CD109: variants seen among roughly 807,000 people sequenced by gnomAD.
CD109 encodes CD109 antigen.
A neutral mutation model predicts 165.8 loss-of-function variants in CD109; 149 were observed. The ratio of observed to expected loss-of-function variants is 0.90; its 90% CI spans 0.79 to 1.03. CD109 has a LOEUF of 1.03. Among genes scored for constraint, CD109 ranks in the 50% least tolerant of loss-of-function variants. The probability of loss-of-function intolerance (pLI) is 0.00; values close to 1 mark genes in which losing one functional copy is unlikely to be tolerated. For missense variants in CD109, 1,712 were observed against 1,677.8 expected (o/e 1.02, Z -0.36); for synonymous variants, 585 against 592.1 (o/e 0.99, Z 0.18).
chr6:73,753,543 A>G (rs1001637359), intron 5 of CD109, among the ~76,000 whole-genome samples: 1 of 152,226 alleles, frequency 6.6e-6, no homozygotes, highest in Non-Finnish European at 1.5e-5. Flanking sequence ...ATTTTACCAC[A>G]TATGAGCACC....
intron 2 of CD109, among the ~76,000 whole-genome samples, chr6:73,710,050 C>T (rs1232896658): frequency 6.6e-6 from 1 of 152,222 alleles, no homozygotes; most frequent in Non-Finnish European, 1.5e-5. Context: ...GATGTCCTCT[C>T]TCACCACTCC....
At chr6:73,797,884 A>G (rs764801714) in intron 23 of CD109, among the ~76,000 whole-genome samples, 2 of 152,154 alleles carry the variant, frequency 1.3e-5, no homozygotes, top group African/African-American at 4.8e-5. Flanking sequence ...CAATTTTCAG[A>G]AGTCTATGAA....
rs749451216 is a variant in CD109, at chr6:73,696,303, C to T, written c.74+14C>T. ...CGTGGCTCCCGGGTAGGAACGTGGG[C>T]GCGCGGGGGGCGCGCGGGCGCGCGG... On this transcript the variant is annotated intron_variant, in intron 1 of 32. Coordinates refer to ENST00000287097, the MANE Select transcript of CD109 (RefSeq NM_133493.5). The T allele has an allele frequency of 7.0e-7, 1 of 1,427,062 alleles. No individual in the cohort carries two copies. The highest frequency in any genetic ancestry group is 2.8e-5 in the East Asian group (1 of 36,328). The allele number at this position is 1,427,062 out of a possible 1,614,324, so 88.4% of individuals were successfully genotyped here. A position where few individuals can be genotyped will look rare whatever the true frequency, so the allele number is the denominator to read the frequency against.
At chr6:73,687,408 C>T in the CD109 span, among the ~76,000 whole-genome samples, 1 of 151,656 alleles carries the variant, frequency 6.6e-6, no homozygotes, top group Non-Finnish European at 1.5e-5. Flanking sequence ...TTCCTTCCTT[C>T]TTTCACATGC....
intron 22 of CD109, 48 bp downstream of exon 22, chr6:73,788,660 A>G (rs1774793372): frequency 6.7e-7 from 1 of 1,500,158 alleles, no homozygotes; most frequent in African/African-American, 1.4e-5. Context: ...GTATATGATC[A>G]TATATGTTGT....
Position 73,823,894 on chromosome 6 carries a change from G to A in CD109, c.*261G>A. On this transcript the variant is annotated 3_prime_UTR_variant, in exon 33 of 33. Transcript: ENST00000287097. ...AAAATCTTTTAGAATTTTTTTGGAG[G>A]TGTTTGTTTTCTCCAGAATAAAGGT... The A allele has an allele frequency of 6.6e-6, 2 of 304,190 alleles. No homozygotes were observed. The highest frequency in any genetic ancestry group is 1.2e-5 in the Non-Finnish European group (2 of 165,144). The allele number at this position is 304,190 out of a possible 1,614,324, so 18.8% of individuals were successfully genotyped here.
intron 2 of CD109, 75 bp from the exon 3 acceptor site, chr6:73,723,176 A>G: frequency 6.2e-7 from 1 of 1,603,042 alleles, no homozygotes; most frequent in East Asian, 2.2e-5. Context: ...GTATTGGGAG[A>G]GTTTTGGAAG....
At position 73,787,264 on chromosome 6, in the gene CD109, T is replaced by G; in HGVS notation, c.2368T>G (p.Phe790Val). Residue 790 changes from phenylalanine (F) to valine (V), a missense_variant, in exon 21 of 33, where the codon TTT becomes GTT. Coordinates refer to ENST00000287097, the MANE Select transcript of CD109 (RefSeq NM_133493.5). Reference protein sequence around the residue: ...VKVIIEKSDKFDILMTSNEIN... With the variant: ...VKVIIEKSDKVDILMTSNEIN... ...GGTAATCATTGAGAAAAGTGACAAA[T>G]TTGATATTCTAATGACTTCAAATGA... The G allele has an allele frequency of 6.2e-7, 1 of 1,613,390 alleles. No homozygotes were observed. The highest frequency in any genetic ancestry group is 8.5e-7 in the Non-Finnish European group (1 of 1,179,586).
At chr6:73,709,136 C>A (rs1302147893) in intron 2 of CD109, among the ~76,000 whole-genome samples, 21 of 152,088 alleles carry the variant, frequency 1.4e-4, no homozygotes, top group Admixed American at 7.9e-4. Context: ...GGTTTTAGGT[C>A]TAACATTTAA....
intron 15 of CD109, among the ~76,000 whole-genome samples, chr6:73,772,908 C>CTT (rs551899269): frequency 7.1e-6 from 1 of 141,512 alleles, no homozygotes. Flanking sequence ...TTTTTGAAAA[C>CTT]TTTTTTTTTT....
chr6:73,704,629 T>C (rs35579376), intron 2 of CD109, among the ~76,000 whole-genome samples: 24,920 of 152,198 alleles, frequency 0.16, 2,276 homozygotes, highest in East Asian at 0.34. Flanking sequence ...GAATTTGGGC[T>C]GGGTTACTGT....
chr6:73,725,285 C>G (rs929434257), intron 3 of CD109, among the ~76,000 whole-genome samples: 5 of 152,050 alleles, frequency 3.3e-5, no homozygotes, highest in Admixed American at 2.0e-4. Context: ...GTATATTTGC[C>G]CTATAGCAGA....
At chr6:73,715,704 G>A (rs184761047) in intron 2 of CD109, among the ~76,000 whole-genome samples, 1 of 152,146 alleles carries the variant, frequency 6.6e-6, no homozygotes, top group African/African-American at 2.4e-5. Flanking sequence ...GGCATGCAAT[G>A]TCAACAACCA....
At chr6:73,681,324 T>TGTGTGTGTGTGTG in the CD109 span, among the ~76,000 whole-genome samples, 1 of 145,568 alleles carries the variant, frequency 6.9e-6, no homozygotes, top group South Asian at 2.3e-4. Context: ...CAGTTACCAT[T>TGTGTGTGTGTGTG]TGTGTGTGTG....
intron 6 of CD109, among the ~76,000 whole-genome samples, chr6:73,757,686 A>G (rs1773448063): frequency 6.6e-6 from 1 of 152,256 alleles, no homozygotes; most frequent in African/African-American, 2.4e-5. Context: ...AAAATGAAAG[A>G]AAGAAAAATA....
At chr6:73,740,845 C>G (rs1772751463) in intron 5 of CD109, among the ~76,000 whole-genome samples, 1 of 152,078 alleles carries the variant, frequency 6.6e-6, no homozygotes, top group African/African-American at 2.4e-5. Flanking sequence ...CCCTACTCGG[C>G]CTCCCAAAGT....
rs372718283 is a variant in CD109, at chr6:73,697,384, G to T, written c.75-16G>T. The T allele has an allele frequency of 3.5e-5, 56 of 1,609,066 alleles. No homozygotes were observed. In the African/African-American group the frequency reaches 6.6e-4, roughly 19 times the overall value. On this transcript the variant is annotated splice_polypyrimidine_tract_variant and intron_variant, in intron 1 of 32. Coordinates refer to ENST00000287097, the MANE Select transcript of CD109 (RefSeq NM_133493.5). ...GGATAAGAAACTTTGTTTTTCCCTTGTTGGGAACTCTTTAGGCCTCGGTTT... is the reference window on the plus strand; with the variant it reads ...GGATAAGAAACTTTGTTTTTCCCTTTTTGGGAACTCTTTAGGCCTCGGTTT...
At chr6:73,806,798 A>G (rs775514414) in intron 24 of CD109, 46 bp from the exon 25 acceptor site, 3 of 1,398,816 alleles carry the variant, frequency 2.1e-6, no homozygotes, top group Non-Finnish European at 2.0e-6. Flanking sequence ...TATTTGGTGG[A>G]CCTTATAAAG....
intron 5 of CD109, among the ~76,000 whole-genome samples, chr6:73,745,100 T>G (rs1772931458): frequency 6.6e-6 from 1 of 152,080 alleles, no homozygotes; most frequent in Admixed American, 6.5e-5. Context: ...AATTGCTGTT[T>G]TATTTATTTA....
Sources: allele counts gnomAD v4.1 joint callset (sites outside exome capture counted in the v4.1 genomes callset), GRCh38; gene constraint gnomAD v4.1.1; transcripts MANE v1.5; gene names NCBI Gene and HGNC (gene_info 2026-07-23, HGNC 2026-07-21).